CD163L1: variants seen among roughly 807,000 people sequenced by gnomAD.
The protein encoded by CD163L1 is CD163 molecule like 1.
In CD163L1, 124 loss-of-function variants were observed where a neutral mutation model predicts 165.4. That is an observed-to-expected ratio of 0.75 (90% CI 0.65 to 0.87). The LOEUF is 0.87. Among genes scored for constraint, CD163L1 ranks in the 40% least tolerant of loss-of-function variants. CD163L1 has a pLI of 0.00. For synonymous variants in CD163L1, 585 were observed against 662.2 expected, an observed-to-expected ratio of 0.88 and a Z score of 1.79; for missense variants, 1,525 against 1,799.9, an observed-to-expected ratio of 0.85 and a Z score of 2.76.
chr12:7,398,182 G>T lies in CD163L1; in HGVS notation c.1729+82C>A. The T allele has an allele frequency of 7.8e-7, 1 of 1,278,706 alleles. No homozygotes were observed. The allele number at this position is 1,278,706 out of a possible 1,614,324, so 79.2% of individuals were successfully genotyped here. A position where few individuals can be genotyped will look rare whatever the true frequency, so the allele number is the denominator to read the frequency against. On this transcript the variant is annotated intron_variant, in intron 7 of 19. Coordinates refer to ENST00000313599, the MANE Select transcript of CD163L1 (RefSeq NM_174941.6). This position sits in a 1 kb window ranked among gnomAD's most constrained non-coding sequence, Gnocchi z 4.5. ...CCCCTCAATCAATTCCCACATGTAA[G>T]CCAGTTTATAGACCCAGAAGCCCTT...
intron 18 of CD163L1, among the ~76,000 whole-genome samples, chr12:7,366,071 T>TA (rs1213930249): frequency 6.6e-6 from 1 of 152,042 alleles, no homozygotes; most frequent in Non-Finnish European, 1.5e-5. Context: ...TTTTTAGCCA[T>TA]AAAAAATGAA....
intron 8 of CD163L1, 37 bp downstream of exon 8, chr12:7,396,041 TGTTAGAGAACCCAGGCA>T: frequency 7.0e-7 from 1 of 1,436,266 alleles, no homozygotes; most frequent in South Asian, 1.3e-5. Context: ...AAAGAAGGTA[TGTTAGAGAACCCAGGCA>T]GTTTCTTTTA....
At chr12:7,399,260 CCT>C (rs987605027) in intron 6 of CD163L1, among the ~76,000 whole-genome samples, 18 of 148,270 alleles carry the variant, frequency 1.2e-4, no homozygotes, top group African/African-American at 2.2e-4. Flanking sequence ...TCTCTTCTTT[CCT>C]CTCTTTCTTC....
intron 14 of CD163L1, among the ~76,000 whole-genome samples, chr12:7,371,337 C>CAAATTAAGTATAACAAATTAAGTATTA (rs757190389): frequency 6.6e-6 from 1 of 152,118 alleles, no homozygotes; most frequent in Admixed American, 6.5e-5. Flanking sequence ...CAAATTACTA[C>CAAATTAAGTATAACAAATTAAGTATTA]CCAAAATAGC....
Position 7,432,757 on chromosome 12 carries a change from CAT to C in CD163L1, c.446-23_446-22del. The C allele has an allele frequency of 1.3e-6, 2 of 1,559,730 alleles. No homozygotes were observed. Among genetic ancestry groups the C allele is most frequent in the Middle Eastern group, 3.4e-4 (2 of 5,812 alleles). On this transcript the variant is annotated intron_variant, in intron 3 of 19. Transcript: ENST00000313599. This position sits in a 1 kb window ranked among gnomAD's most constrained non-coding sequence, Gnocchi z 4.2. ...TTCACCTACGAGAAAGACAAGCAGA[CAT>C]ATGAAAAACTGATTCAACTTTGAGC...
chr12:7,321,885 A>T, the CD163L1 span, among the ~76,000 whole-genome samples: 1 of 152,226 alleles, frequency 6.6e-6, no homozygotes, highest in African/African-American at 2.4e-5. Flanking sequence ...AATGTAAGTG[A>T]CATGCTTGGT....
downstream of CD163L1, among the ~76,000 whole-genome samples, chr12:7,343,313 C>T (rs1382511298): frequency 6.6e-6 from 1 of 152,182 alleles, no homozygotes; most frequent in African/African-American, 2.4e-5. Flanking sequence ...TCTTCACTGT[C>T]TCATAATTAT....
Position 7,441,205 on chromosome 12 carries a change from C to T in CD163L1, c.73G>A (p.Val25Met). ...CCCHQNLFSAVVTCILLLNSC... is the reference protein window; with the variant it reads ...CCCHQNLFSAMVTCILLLNSC... ...TTCAGGAGCAGGATGCAAGTTACCA[C>T]AGCAGAGAAAAGGTTCTGATGACAG... Residue 25 changes from valine to methionine, a missense_variant, in exon 2 of 20, where the codon GTG (valine) becomes ATG (methionine). By Grantham distance (21) the Val-to-Met change is conservative. Transcript: ENST00000313599. 6.2e-7 allele frequency: 1 copy of T among 1,614,104 alleles called. No individual in the cohort carries two copies. The highest frequency in any genetic ancestry group is 8.5e-7 in the Non-Finnish European group (1 of 1,180,004).
intron 4 of CD163L1, among the ~76,000 whole-genome samples, chr12:7,412,159 A>C (rs1039331329): frequency 6.6e-6 from 1 of 152,240 alleles, no homozygotes; most frequent in African/African-American, 2.4e-5. Context: ...CATGGCTTTA[A>C]TGCTAAAATA....
rs181792612 is a variant in CD163L1, at chr12:7,432,051, A to G, written c.766+365T>C. ...ATGAAATCTAAGTTTTGGTAGCTGG[A>G]AAGAATTAGTAAAGTGGGGAAACTA... On this transcript the variant is annotated intron_variant, in intron 4 of 19. Coordinates refer to ENST00000313599, the MANE Select transcript of CD163L1 (RefSeq NM_174941.6). The surrounding 1 kb of genome is among the most constrained non-coding windows in gnomAD (Gnocchi z 4.2). Among the ~76,000 whole-genome samples, 1 of 152,324 alleles carries G rather than the reference A, an allele frequency of 6.6e-6. No individual in the cohort carries two copies. Among genetic ancestry groups the G allele is most frequent in the Admixed American group, 6.5e-5 (1 of 15,300 alleles).
intron 2 of CD163L1, among the ~76,000 whole-genome samples, chr12:7,440,525 T>C (rs1373887285): frequency 6.6e-6 from 1 of 152,054 alleles, no homozygotes; most frequent in Non-Finnish European, 1.5e-5. Flanking sequence ...TTGATTTCTG[T>C]ATCTTGTAAG....
chr12:7,392,817 C>T (rs1043278222), intron 8 of CD163L1, among the ~76,000 whole-genome samples: 8 of 152,182 alleles, frequency 5.3e-5, no homozygotes, highest in South Asian at 2.1e-4. Context: ...ACTAGAAAAT[C>T]GAGAAGAAGT....
chr12:7,442,895 T>C (rs1326434542), intron 1 of CD163L1, among the ~76,000 whole-genome samples: 3 of 152,142 alleles, frequency 2.0e-5, no homozygotes, highest in East Asian at 1.9e-4. Context: ...CGTGAACAAA[T>C]AGTGCAGTAG....
At chr12:7,327,896 A>G in the CD163L1 span, among the ~76,000 whole-genome samples, 2 of 152,106 alleles carry the variant, frequency 1.3e-5, no homozygotes, top group Admixed American at 1.3e-4. Flanking sequence ...ACTCCAAATT[A>G]TCCCTAAAAA....
chr12:7,444,000 C>A, intron 1 of CD163L1, 97 bp downstream of exon 1: 3 of 1,183,218 alleles, frequency 2.5e-6, no homozygotes, highest in Admixed American at 2.1e-5. Flanking sequence ...TTCTTTTTAC[C>A]TTACTACATA....
chr12:7,380,407 A>G (rs756985735), intron 8 of CD163L1, among the ~76,000 whole-genome samples: 122 of 151,632 alleles, frequency 8.0e-4, no homozygotes, highest in Non-Finnish European at 1.4e-3. Context: ...ACACACATGT[A>G]TGTGTGTATA....
intron 8 of CD163L1, among the ~76,000 whole-genome samples, chr12:7,380,786 A>G (rs1947390539): frequency 6.6e-6 from 1 of 152,160 alleles, no homozygotes; most frequent in Non-Finnish European, 1.5e-5. Flanking sequence ...GAAATAAAAA[A>G]CTTTTTAAAA....
rs1947156992 is a variant in CD163L1 at position 7,372,027 on chromosome 12, T to G, written c.3730+1293A>C. Among the ~76,000 whole-genome samples the G allele has an allele frequency of 6.6e-6, 1 of 152,024 alleles. No homozygotes were observed. The highest frequency in any genetic ancestry group is 2.4e-5 in the African/African-American group (1 of 41,424). On this transcript the variant is annotated intron_variant, in intron 14 of 19. Transcript: ENST00000313599. This position sits in a 1 kb window ranked among gnomAD's most constrained non-coding sequence, Gnocchi z 4.2. ...CAAATTTTTTGTTTGGGGAATGATA[T>G]TATTTTGTGATACAATTACAATAGT...
chr12:7,371,791 A>G (rs1331767091), intron 14 of CD163L1, among the ~76,000 whole-genome samples: 1 of 151,990 alleles, frequency 6.6e-6, no homozygotes, highest in Non-Finnish European at 1.5e-5. Flanking sequence ...TAAAAAATAT[A>G]TATGCTTTAG....
Sources: allele counts gnomAD v4.1 joint callset (sites outside exome capture counted in the v4.1 genomes callset), GRCh38; gene constraint gnomAD v4.1.1; non-coding constraint Gnocchi (gnomAD v3.1); transcripts MANE v1.5; gene names NCBI Gene and HGNC (gene_info 2026-07-23, HGNC 2026-07-21).